ERAP1: variants seen among roughly 807,000 people sequenced by gnomAD.
ERAP1 encodes adipocyte-derived leucine aminopeptidase.
A neutral mutation model predicts 103.7 loss-of-function variants in ERAP1; 86 were observed. The observed-to-expected ratio is 0.83, with a 90% CI of 0.70 to 0.99. The LOEUF (loss-of-function observed/expected upper bound fraction) is 0.99, where lower values mean the gene tolerates loss of function less well. Ranked by LOEUF, ERAP1 falls within the 50% of genes least tolerant of loss-of-function variation. ERAP1 has a pLI of 0.00. For missense variants in ERAP1, 1,009 were observed against 1,128.4 expected (o/e 0.89, Z 1.52); for synonymous variants, 398 against 402.4 (o/e 0.99, Z 0.13).
At chr5:96,884,953 T>C in the ERAP1 span, among the ~76,000 whole-genome samples, 2 of 94,610 alleles carry the variant, frequency 2.1e-5, no homozygotes, top group Admixed American at 2.4e-4. Context: ...GCAGTCAGTG[T>C]TTTGTACTTG....
chr5:96,888,918 T>C, the ERAP1 span, among the ~76,000 whole-genome samples: 2 of 152,322 alleles, frequency 1.3e-5, no homozygotes, highest in South Asian at 2.1e-4. Flanking sequence ...TGGATTATGA[T>C]ACAATGGGTT....
intron 1 of ERAP1, chr5:96,804,403 G>T (rs958633920): frequency 8.8e-5 from 22 of 250,176 alleles, no homozygotes; most frequent in Non-Finnish European, 1.7e-4. Context: ...CTGGACCTTG[G>T]AGAAAGTCAC....
At chr5:96,785,417 A>C (rs1775858871) in intron 13 of ERAP1, 1 of 334,400 alleles carries the variant, frequency 3.0e-6, no homozygotes, top group Non-Finnish European at 5.8e-6. Flanking sequence ...TGTTATAAAG[A>C]CCCAGTGGTG....
the ERAP1 span, among the ~76,000 whole-genome samples, chr5:96,830,679 G>A: frequency 2.0e-5 from 3 of 152,216 alleles, no homozygotes; most frequent in Admixed American, 6.5e-5. Context: ...AAGCAAGCCA[G>A]ACAAAGAATA....
At chr5:96,841,518 T>C in the ERAP1 span, among the ~76,000 whole-genome samples, 3 of 152,186 alleles carry the variant, frequency 2.0e-5, no homozygotes, top group Non-Finnish European at 4.4e-5. Flanking sequence ...CTCAGAGGCC[T>C]GTGCCACCCT....
the ERAP1 span, among the ~76,000 whole-genome samples, chr5:96,932,734 CATTG>C: frequency 3.3e-5 from 5 of 152,290 alleles, no homozygotes; most frequent in Middle Eastern, 3.4e-3. Flanking sequence ...TCCCTATATT[CATTG>C]ATTATCAAGT....
the ERAP1 span, among the ~76,000 whole-genome samples, chr5:96,891,398 CACACACACATATACATAT>C: frequency 1.4e-5 from 2 of 148,080 alleles, no homozygotes; most frequent in South Asian, 4.2e-4. Flanking sequence ...TGTATACATA[CACACACACATATACATAT>C]ACACACACAT....
At chr5:96,875,535 CAAA>C in the ERAP1 span, among the ~76,000 whole-genome samples, 11 of 134,880 alleles carry the variant, frequency 8.2e-5, no homozygotes, top group Admixed American at 1.5e-4. Flanking sequence ...GACCCTATCT[CAAA>C]AAAAAAAAAA....
At chr5:96,763,589 C>T (rs944264130) in intron 19 of ERAP1, among the ~76,000 whole-genome samples, 3 of 152,166 alleles carry the variant, frequency 2.0e-5, no homozygotes, top group Non-Finnish European at 4.4e-5. Context: ...CATTTCCCAT[C>T]AGAGAGGCTT....
the ERAP1 span, among the ~76,000 whole-genome samples, chr5:96,844,878 A>G: frequency 6.6e-6 from 1 of 152,344 alleles, no homozygotes; most frequent in East Asian, 1.9e-4. Context: ...CCAAGTGCTC[A>G]TCATCTTAGA....
At chr5:96,915,764 C>A in the ERAP1 span, 1 of 1,598,876 alleles carries the variant, frequency 6.3e-7, no homozygotes, top group African/African-American at 1.3e-5. Context: ...GGATAAGTTG[C>A]AAGAGGTTTG....
the ERAP1 span, among the ~76,000 whole-genome samples, chr5:96,822,235 A>C: frequency 6.6e-6 from 1 of 152,124 alleles, no homozygotes; most frequent in Non-Finnish European, 1.5e-5. Flanking sequence ...CCTAACTAAT[A>C]TTTTAAATTT....
chr5:96,781,052 A>G lies in ERAP1; in HGVS notation c.2588+6T>C. On this transcript the variant is annotated splice_donor_region_variant and intron_variant, in intron 17 of 18. Coordinates refer to ENST00000443439, the MANE Select transcript of ERAP1 (RefSeq NM_001040458.3). ...CAGTCACAGCACAATTTTTGGCACC[A>G]CTTACTTTTGTACAAGTTTGTTCCA... The G allele has an allele frequency of 1.2e-6, 2 of 1,613,986 alleles. No homozygotes were observed. The highest frequency in any genetic ancestry group is 1.7e-6 in the Non-Finnish European group (2 of 1,179,970).
At chr5:96,773,014 A>G (rs984086868), downstream of ERAP1, 5 of 153,636 alleles carry the variant, frequency 3.3e-5, no homozygotes, top group Non-Finnish European at 5.9e-5. Flanking sequence ...TTTGCCCTTA[A>G]TTTTTTTTGT....
the ERAP1 span, among the ~76,000 whole-genome samples, chr5:96,901,189 A>T: frequency 0.21 from 11,391 of 54,284 alleles, 503 homozygotes; most frequent in South Asian, 0.33. Context: ...TGTTTGTTTG[A>T]TTTTGTTTGT....
At chr5:96,809,622 G>A (rs774325837), upstream of ERAP1, among the ~76,000 whole-genome samples, 41 of 151,940 alleles carry the variant, frequency 2.7e-4, no homozygotes, top group East Asian at 1.9e-4. Flanking sequence ...ACTCAACTAC[G>A]GTGGGATCCA....
chr5:96,892,028 C>T, the ERAP1 span, among the ~76,000 whole-genome samples: 2,004 of 152,220 alleles, frequency 0.013, 18 homozygotes, highest in Non-Finnish European at 0.02. Context: ...AAAATATTTT[C>T]AGAGTTCAGC....
Position 96,781,051 on chromosome 5 carries a change from C to G in ERAP1, c.2588+7G>C, listed in dbSNP as rs1396854964. ...CCAGTCACAGCACAATTTTTGGCACCACTTACTTTTGTACAAGTTTGTTCC... is the reference window on the plus strand; with the variant it reads ...CCAGTCACAGCACAATTTTTGGCACGACTTACTTTTGTACAAGTTTGTTCC... On this transcript the variant is annotated splice_region_variant and intron_variant, in intron 17 of 18. Transcript: ENST00000443439. 6.2e-7 allele frequency: 1 copy of G among 1,614,024 alleles called. No homozygotes were observed. The highest frequency in any genetic ancestry group is 2.2e-5 in the East Asian group (1 of 44,866).
chr5:96,889,085 GA>G, the ERAP1 span: 9 of 1,396,722 alleles, frequency 6.4e-6, no homozygotes, highest in Admixed American at 1.2e-4. Context: ...ATACTTTCTT[GA>G]AAAGATACAG....
Sources: allele counts gnomAD v4.1 joint callset (sites outside exome capture counted in the v4.1 genomes callset), GRCh38; gene constraint gnomAD v4.1.1; transcripts MANE v1.5; gene names NCBI Gene and HGNC (gene_info 2026-07-23, HGNC 2026-07-21).